PTPRD: variants seen among roughly 807,000 people sequenced by gnomAD.
PTPRD encodes the protein receptor-type tyrosine-protein phosphatase delta.
A neutral mutation model predicts 214.5 loss-of-function variants in PTPRD; 34 were observed. The observed-to-expected ratio is 0.16, with a 90% CI of 0.12 to 0.21. The LOEUF is 0.21. Ranked by LOEUF, PTPRD falls within the 10% of genes least tolerant of loss-of-function variation. The probability of loss-of-function intolerance (pLI) is 1.00; values close to 1 mark genes in which losing one functional copy is unlikely to be tolerated. For synonymous variants in PTPRD, 1,128 were observed against 845.7 expected (o/e 1.33, Z -5.79); for missense variants, 2,545 against 2,398.7 (o/e 1.06, Z -1.27).
chr9:9,044,555 G>C (rs564428247), intron 10 of PTPRD, among the ~76,000 whole-genome samples: 3 of 152,112 alleles, frequency 2.0e-5, no homozygotes, highest in African/African-American at 7.2e-5. Flanking sequence ...TCCATGGCAG[G>C]GGCAAGTGTA....
intron 8 of PTPRD, among the ~76,000 whole-genome samples, chr9:9,498,931 T>A (rs1243035742): frequency 6.6e-6 from 1 of 150,612 alleles, no homozygotes; most frequent in Admixed American, 6.6e-5. Flanking sequence ...AGTTTAGGCT[T>A]ATTTTTTCTC....
intron 12 of PTPRD, among the ~76,000 whole-genome samples, chr9:8,685,510 T>C (rs1363109986): frequency 1.3e-5 from 2 of 152,184 alleles, no homozygotes; most frequent in African/African-American, 2.4e-5. Context: ...GTGATGTAAC[T>C]ATATCAAGGC....
intron 5 of PTPRD, among the ~76,000 whole-genome samples, chr9:9,821,585 G>A (rs2050751614): frequency 6.6e-6 from 1 of 152,084 alleles, no homozygotes; most frequent in Non-Finnish European, 1.5e-5. Context: ...TTATTGCATA[G>A]GCTATTCTCT....
intron 4 of PTPRD, among the ~76,000 whole-genome samples, chr9:9,943,315 T>C (rs928398772): frequency 4.6e-5 from 7 of 152,140 alleles, no homozygotes; most frequent in African/African-American, 1.7e-4. Flanking sequence ...CTCTGCTTCA[T>C]TTTCCCCTGT....
chr9:10,257,977 A>G (rs1406070061), intron 3 of PTPRD, among the ~76,000 whole-genome samples: 1 of 152,100 alleles, frequency 6.6e-6, no homozygotes, highest in Non-Finnish European at 1.5e-5. Context: ...AAATAAAGGA[A>G]GGGAAGGAGA....
chr9:9,414,205 G>C (rs1270706630), intron 8 of PTPRD, among the ~76,000 whole-genome samples: 1 of 152,174 alleles, frequency 6.6e-6, no homozygotes, highest in African/African-American at 2.4e-5. Context: ...TTCCCTTAAA[G>C]TTTTGAATTC....
intron 11 of PTPRD, among the ~76,000 whole-genome samples, chr9:8,936,520 T>C (rs996736987): frequency 1.3e-5 from 2 of 151,188 alleles, no homozygotes; most frequent in Non-Finnish European, 2.9e-5. Flanking sequence ...AGCGATTTAG[T>C]GTTTGCTATA....
Position 8,315,801 on chromosome 9 carries a change from AG to A in PTPRD, c.*2072del, listed in dbSNP as rs1163532278. The A allele has an allele frequency of 4.4e-6, 1 of 227,596 alleles. No homozygotes were observed. Among genetic ancestry groups the A allele is most frequent in the East Asian group, 6.3e-5 (1 of 15,924 alleles). 14.1% of individuals were successfully genotyped at this position (227,596 alleles called of 1,614,324 possible). Reference sequence around the variant, plus strand: ...CATGAAGCTAAAATTAAACCAAAGTAGTATACTCATACCAAAACTCTTTAAG... The same window carrying A: ...CATGAAGCTAAAATTAAACCAAAGTATATACTCATACCAAAACTCTTTAAG... On this transcript the variant is annotated 3_prime_UTR_variant, in exon 46 of 46. Coordinates refer to ENST00000381196, the MANE Select transcript of PTPRD (RefSeq NM_002839.4).
At chr9:10,451,554 G>A (rs978204493) in intron 2 of PTPRD, among the ~76,000 whole-genome samples, 5 of 151,070 alleles carry the variant, frequency 3.3e-5, no homozygotes, top group Non-Finnish European at 7.4e-5. Flanking sequence ...ATCTGTAATC[G>A]GATGATTAAA....
At chr9:8,890,428 T>G (rs2098529076) in intron 11 of PTPRD, among the ~76,000 whole-genome samples, 1 of 152,198 alleles carries the variant, frequency 6.6e-6, no homozygotes, top group Non-Finnish European at 1.5e-5. Context: ...TCACCTCTCA[T>G]AAATTCATAG....
rs573869018 is a variant in PTPRD at position 8,831,560 on chromosome 9, G to T, written c.-103-97614C>A. Among the ~76,000 whole-genome samples the T allele has an allele frequency of 2.0e-4, 30 of 152,186 alleles. No homozygotes were observed. The South Asian group carries it at 6.0e-3, about 31-fold the overall frequency. On this transcript the variant is annotated intron_variant, in intron 11 of 45. Transcript: ENST00000381196. ...AAACCAGTCATTTCAAATAGAAAGA[G>T]AAACAACTGGGTGAGCAATATTAAA...
At chr9:9,288,168 A>G (rs1007101085) in intron 9 of PTPRD, among the ~76,000 whole-genome samples, 8 of 151,894 alleles carry the variant, frequency 5.3e-5, no homozygotes, top group African/African-American at 1.9e-4. Flanking sequence ...GGAATGTTTT[A>G]TAAAGATTTT....
At chr9:10,510,356 G>T (rs2047569900) in intron 2 of PTPRD, among the ~76,000 whole-genome samples, 1 of 152,066 alleles carries the variant, frequency 6.6e-6, no homozygotes, top group Non-Finnish European at 1.5e-5. Flanking sequence ...CAGCTTTATG[G>T]GTTTGAAAAC....
chr9:9,584,165 AAAGCTTCCT>A (rs1300691853), intron 7 of PTPRD, among the ~76,000 whole-genome samples: 1 of 151,920 alleles, frequency 6.6e-6, no homozygotes, highest in Non-Finnish European at 1.5e-5. Context: ...CAAGCTATGT[AAAGCTTCCT>A]AAGCCACGGT....
chr9:9,347,902 C>T (rs1273984502), intron 9 of PTPRD, among the ~76,000 whole-genome samples: 5 of 152,146 alleles, frequency 3.3e-5, no homozygotes, highest in African/African-American at 1.2e-4. Context: ...TAAAAGCGTC[C>T]TATGTCATTG....
At chr9:8,414,932 A>AGAGAGG (rs2093806400) in intron 35 of PTPRD, among the ~76,000 whole-genome samples, 1 of 25,174 alleles carries the variant, frequency 4.0e-5, no homozygotes, top group Non-Finnish European at 8.0e-5. Flanking sequence ...AGGGAGGGGG[A>AGAGAGG]GAGAGAGAGA....
chr9:10,190,718 C>CAAAAAAAA (rs57891244), intron 3 of PTPRD, among the ~76,000 whole-genome samples: 7 of 44,186 alleles, frequency 1.6e-4, no homozygotes, highest in Non-Finnish European at 2.2e-4. Flanking sequence ...AACTCTGTCT[C>CAAAAAAAA]AAAAAAAAAA....
chr9:8,381,562 T>G (rs1252516998), intron 37 of PTPRD, among the ~76,000 whole-genome samples: 1 of 152,294 alleles, frequency 6.6e-6, no homozygotes, highest in Admixed American at 6.5e-5. Flanking sequence ...TACTAATCAC[T>G]ATTTAGTGGA....
At chr9:9,213,053 G>A (rs2099949827) in intron 9 of PTPRD, among the ~76,000 whole-genome samples, 1 of 152,084 alleles carries the variant, frequency 6.6e-6, no homozygotes. Flanking sequence ...ATTATAACAT[G>A]ATTACTTATT....
Sources: allele counts gnomAD v4.1 joint callset (sites outside exome capture counted in the v4.1 genomes callset), GRCh38; gene constraint gnomAD v4.1.1; transcripts MANE v1.5; gene names NCBI Gene and HGNC (gene_info 2026-07-23, HGNC 2026-07-21).